CNTN5: variants seen among roughly 807,000 people sequenced by gnomAD.
The protein encoded by CNTN5 is contactin-5.
CNTN5 carries 77 observed loss-of-function variants against 129.1 expected under a neutral mutation model. The observed-to-expected ratio is 0.60, with a 90% CI of 0.50 to 0.72. CNTN5 has a LOEUF of 0.72. CNTN5 is among the 30% of genes least tolerant of loss of function. CNTN5 has a pLI of 0.00. For missense variants in CNTN5, 1,478 were observed against 1,328.8 expected (o/e 1.11, Z -1.75); for synonymous variants, 509 against 465.6 (o/e 1.09, Z -1.20).
chr11:99,976,724 C>T (rs1272272340), intron 8 of CNTN5, among the ~76,000 whole-genome samples: 2 of 152,212 alleles, frequency 1.3e-5, no homozygotes, highest in Admixed American at 1.3e-4. Flanking sequence ...GGCCACCAGG[C>T]ATGGCCTGTG....
intron 3 of CNTN5, among the ~76,000 whole-genome samples, chr11:99,567,437 T>A (rs1299622727): frequency 6.6e-6 from 1 of 152,130 alleles, no homozygotes; most frequent in Non-Finnish European, 1.5e-5. Flanking sequence ...AAGGTGACAG[T>A]TTGTTCCTTC....
chr11:99,905,789 ATTTG>A (rs1949487057), intron 6 of CNTN5, among the ~76,000 whole-genome samples: 1 of 151,976 alleles, frequency 6.6e-6, no homozygotes, highest in South Asian at 2.1e-4. Flanking sequence ...CGCCTTTTCC[ATTTG>A]TTTGTGTCCT....
At chr11:99,858,475 A>G (rs187510053) in intron 6 of CNTN5, among the ~76,000 whole-genome samples, 405 of 152,146 alleles carry the variant, frequency 2.7e-3, no homozygotes, top group Admixed American at 8.3e-3. Context: ...CCAATATGCA[A>G]GCAGGCCTAG....
chr11:100,106,767 A>T (rs1945449308), intron 13 of CNTN5, among the ~76,000 whole-genome samples: 1 of 152,170 alleles, frequency 6.6e-6, no homozygotes. Context: ...TCTGGGGACA[A>T]GAAGAAATAA....
chr11:99,497,185 A>C (rs936192063), intron 2 of CNTN5, among the ~76,000 whole-genome samples: 1 of 152,240 alleles, frequency 6.6e-6, no homozygotes, highest in Non-Finnish European at 1.5e-5. Flanking sequence ...AAAATATAAC[A>C]ATCCCAGATG....
intron 1 of CNTN5, among the ~76,000 whole-genome samples, chr11:99,050,683 T>C (rs1468399140): frequency 6.6e-6 from 1 of 151,814 alleles, no homozygotes. Flanking sequence ...ATAGTTACTA[T>C]TGTTTATGCA....
chr11:100,083,301 G>A (rs1037550549), intron 13 of CNTN5, among the ~76,000 whole-genome samples: 2 of 137,056 alleles, frequency 1.5e-5, no homozygotes, highest in African/African-American at 5.8e-5. Context: ...TGGGCAATGA[G>A]AGCAAAACTC....
rs188138065 is a variant in CNTN5 at position 99,896,994 on chromosome 11, G to A, written c.578-19060G>A. ...GACCTGAAAGTTCTGCCAGTGACCC[G>A]GGTACCAGCCCATCCCTCCCCATCA... On this transcript the variant is annotated intron_variant, in intron 6 of 24. Transcript: ENST00000524871. Among the ~76,000 whole-genome samples, 806 of 152,190 alleles carry A rather than the reference G, an allele frequency of 5.3e-3. 3 individuals carry two copies. The highest frequency in any genetic ancestry group is 0.02 in the Middle Eastern group (6 of 294).
At chr11:99,057,232 G>T (rs889553357) in intron 1 of CNTN5, among the ~76,000 whole-genome samples, 1 of 151,770 alleles carries the variant, frequency 6.6e-6, no homozygotes, top group African/African-American at 2.4e-5. Context: ...AGATTTTCTA[G>T]AAAAGCCATT....
At chr11:99,250,475 G>A (rs1017774560) in intron 1 of CNTN5, among the ~76,000 whole-genome samples, 2 of 151,818 alleles carry the variant, frequency 1.3e-5, no homozygotes, top group African/African-American at 4.8e-5. Flanking sequence ...AAAGCCTCTT[G>A]GTATGTTTGA....
chr11:99,841,568 TAAG>T (rs1006285320), intron 4 of CNTN5, among the ~76,000 whole-genome samples: 33 of 149,842 alleles, frequency 2.2e-4, no homozygotes, highest in African/African-American at 7.1e-4. Context: ...ATAAGTATAA[TAAG>T]AGTGAGAAAA....
intron 3 of CNTN5, among the ~76,000 whole-genome samples, chr11:99,636,887 C>G (rs1217135950): frequency 7.1e-6 from 1 of 140,538 alleles, no homozygotes; most frequent in African/African-American, 2.6e-5. Flanking sequence ...GCGGCACATG[C>G]CTGTAATCCC....
At chr11:99,993,639 G>A (rs1281323319) in intron 8 of CNTN5, among the ~76,000 whole-genome samples, 5 of 152,224 alleles carry the variant, frequency 3.3e-5, no homozygotes, top group Non-Finnish European at 1.5e-5. Flanking sequence ...GACAAGAGGT[G>A]GAAGTCAGGC....
At chr11:99,276,320 G>A (rs1053377720) in intron 1 of CNTN5, among the ~76,000 whole-genome samples, 2 of 151,462 alleles carry the variant, frequency 1.3e-5, no homozygotes, top group East Asian at 1.9e-4. Context: ...AGTCATGAAC[G>A]CAGAAAAACA....
At chr11:99,927,689 C>T (rs1020034103) in intron 7 of CNTN5, among the ~76,000 whole-genome samples, 1 of 152,162 alleles carries the variant, frequency 6.6e-6, no homozygotes, top group African/African-American at 2.4e-5. Context: ...TAAATTACCT[C>T]TCACCAGGTC....
At chr11:99,882,767 A>G (rs537499160) in intron 6 of CNTN5, among the ~76,000 whole-genome samples, 136 of 152,300 alleles carry the variant, frequency 8.9e-4, no homozygotes, top group African/African-American at 3.2e-3. Flanking sequence ...ATTATTCGCT[A>G]TAGTTAGCCT....
At chr11:100,089,404 A>G (rs922567398) in intron 13 of CNTN5, among the ~76,000 whole-genome samples, 1 of 152,148 alleles carries the variant, frequency 6.6e-6, no homozygotes, top group African/African-American at 2.4e-5. Flanking sequence ...AAGTTATAAA[A>G]CAATGGATGC....
intron 6 of CNTN5, among the ~76,000 whole-genome samples, chr11:99,878,515 AAC>A (rs759426166): frequency 2.0e-5 from 3 of 152,194 alleles, no homozygotes; most frequent in African/African-American, 4.8e-5. Context: ...ACCATTAAAA[AAC>A]ACACTCTAAG....
intron 2 of CNTN5, among the ~76,000 whole-genome samples, chr11:99,345,472 T>C (rs1471127359): frequency 6.6e-6 from 1 of 152,148 alleles, no homozygotes; most frequent in African/African-American, 2.4e-5. Flanking sequence ...CTCATCCCTG[T>C]GGTGGATTGA....
Sources: allele counts gnomAD v4.1 joint callset (sites outside exome capture counted in the v4.1 genomes callset), GRCh38; gene constraint gnomAD v4.1.1; transcripts MANE v1.5; gene names NCBI Gene and HGNC (gene_info 2026-07-23, HGNC 2026-07-21).